RECK: variants seen among roughly 807,000 people sequenced by gnomAD.
The protein encoded by RECK is reversion-inducing cysteine-rich protein with Kazal motifs.
RECK carries 69 observed loss-of-function variants against 115.1 expected under a neutral mutation model. The observed-to-expected ratio is 0.60, with a 90% CI of 0.49 to 0.73. The LOEUF (loss-of-function observed/expected upper bound fraction) is 0.73. RECK is among the 30% of genes least tolerant of loss of function. The pLI, the probability that RECK is intolerant of heterozygous loss-of-function variation, is 0.00. For synonymous variants in RECK, 414 were observed against 419.7 expected, an observed-to-expected ratio of 0.99 and a Z score of 0.17; for missense variants, 1,047 against 1,203.7, an observed-to-expected ratio of 0.87 and a Z score of 1.93.
chr9:36,099,085 G>A (rs1365661592), intron 10 of RECK, among the ~76,000 whole-genome samples: 1 of 152,086 alleles, frequency 6.6e-6, no homozygotes, highest in African/African-American at 2.4e-5. Context: ...AATTAACCAG[G>A]TGTGGTGGTG....
rs967903977 is a variant in RECK at position 36,046,052 on chromosome 9, G to A, written c.101-6213G>A. 7.2e-5 allele frequency among the ~76,000 whole-genome samples: 11 copies of A among 152,054 alleles called. 1 individual carries two copies. The highest frequency in any genetic ancestry group is 7.4e-5 in the Non-Finnish European group (5 of 67,998). Reference sequence around the variant, plus strand: ...TGTCTTTAATGAAGATAACACCTGTGTTTTTTATTTTCATCATAGCAGTGT... The same window carrying A: ...TGTCTTTAATGAAGATAACACCTGTATTTTTTATTTTCATCATAGCAGTGT... On this transcript the variant is annotated intron_variant, in intron 1 of 20. Coordinates refer to ENST00000377966, the MANE Select transcript of RECK (RefSeq NM_021111.3).
At chr9:36,078,401 A>G (rs138994136) in intron 6 of RECK, among the ~76,000 whole-genome samples, 133 of 152,362 alleles carry the variant, frequency 8.7e-4, no homozygotes, top group Middle Eastern at 3.4e-3. Context: ...GAACAAATGT[A>G]TAAGTCTCTA....
chr9:36,089,005 A>G (rs1009717667), intron 9 of RECK, among the ~76,000 whole-genome samples: 1 of 152,226 alleles, frequency 6.6e-6, no homozygotes, highest in Non-Finnish European at 1.5e-5. Flanking sequence ...TGAGTGACAC[A>G]GTGAAGACTC....
intron 1 of RECK, among the ~76,000 whole-genome samples, chr9:36,038,794 AAAAC>A (rs563193137): frequency 3.5e-3 from 536 of 151,936 alleles, no homozygotes; most frequent in African/African-American, 0.013. Flanking sequence ...TTCCTGTGGT[AAAAC>A]AAACAAACAA....
intron 1 of RECK, among the ~76,000 whole-genome samples, chr9:36,038,652 A>G (rs1002965842): frequency 5.3e-5 from 8 of 152,234 alleles, no homozygotes; most frequent in Non-Finnish European, 8.8e-5. Context: ...GAATCGAGGT[A>G]ATACATGTCC....
chr9:36,060,496 T>A (rs1226578362), intron 4 of RECK, among the ~76,000 whole-genome samples: 1 of 152,208 alleles, frequency 6.6e-6, no homozygotes, highest in Non-Finnish European at 1.5e-5. Flanking sequence ...GCCATTCTAC[T>A]GAAACTAGTC....
At chr9:36,116,325 T>C (rs571584418) in intron 16 of RECK, among the ~76,000 whole-genome samples, 1 of 152,074 alleles carries the variant, frequency 6.6e-6, no homozygotes, top group East Asian at 1.9e-4. Context: ...ATGGGGTTTC[T>C]CCATGTTGGT....
intron 3 of RECK, 138 bp from the exon 4 acceptor site, chr9:36,059,981 T>C: frequency 1.4e-6 from 1 of 695,518 alleles, no homozygotes; most frequent in East Asian, 2.6e-5. Flanking sequence ...AGCTGATTGA[T>C]GTGCCTGTAG....
chr9:36,060,904 A>T (rs1040984292), intron 4 of RECK, among the ~76,000 whole-genome samples: 9 of 151,696 alleles, frequency 5.9e-5, no homozygotes, highest in East Asian at 1.9e-4. Flanking sequence ...TCATAACTGC[A>T]CCTCTTGTGA....
At chr9:36,048,856 C>T (rs189114175) in intron 1 of RECK, among the ~76,000 whole-genome samples, 147 of 152,218 alleles carry the variant, frequency 9.7e-4, no homozygotes, top group African/African-American at 3.2e-3. Context: ...GCATCTACCC[C>T]GCAAGTTAAA....
intron 19 of RECK, among the ~76,000 whole-genome samples, chr9:36,121,041 A>T (rs1248027143): frequency 6.6e-6 from 1 of 152,204 alleles, no homozygotes; most frequent in Non-Finnish European, 1.5e-5. Flanking sequence ...AGAGCCAGGT[A>T]GCCAGAGACT....
chr9:36,066,691 T>G (rs915270064), intron 6 of RECK: 1 of 666,954 alleles, frequency 1.5e-6, no homozygotes, highest in Admixed American at 4.2e-5. Flanking sequence ...AGTTTTAGTT[T>G]CTCTTGAACA....
intron 6 of RECK, among the ~76,000 whole-genome samples, chr9:36,066,055 G>T (rs1164232571): frequency 6.6e-6 from 1 of 152,106 alleles, no homozygotes; most frequent in Admixed American, 6.5e-5. Context: ...AGTGTGAATA[G>T]CTCAGACTTT....
chr9:36,067,126 A>T (rs929021673), intron 6 of RECK, among the ~76,000 whole-genome samples: 3 of 152,178 alleles, frequency 2.0e-5, no homozygotes, highest in Admixed American at 1.3e-4. Context: ...TGCATTATAA[A>T]CCTCACATAA....
At chr9:36,093,378 C>G (rs1212156407) in intron 10 of RECK, among the ~76,000 whole-genome samples, 1 of 151,858 alleles carries the variant, frequency 6.6e-6, no homozygotes, top group African/African-American at 2.4e-5. Flanking sequence ...GGTGACCCAA[C>G]TATTGGAATT....
chr9:36,108,022 A>T lies in RECK; in HGVS notation c.1623A>T (p.Thr541=). The T allele has an allele frequency of 1.9e-6, 3 of 1,613,868 alleles. No homozygotes were observed. In the East Asian group the frequency reaches 6.7e-5, roughly 36 times the overall value. ...CTGATTTCATTGTCCGTCAAGGGAC[A>T]CTAATCCAGGTGCCATCATCTGCAG... ...EASDFIVRQG[T]LIQVPSSAGE... The change falls in exon 14 of 21, where the codon ACA becomes ACT. Residue 541 remains threonine, a synonymous_variant. Transcript: ENST00000377966.
At chr9:36,089,447 C>G (rs933042448) in intron 9 of RECK, among the ~76,000 whole-genome samples, 1 of 152,008 alleles carries the variant, frequency 6.6e-6, no homozygotes, top group Non-Finnish European at 1.5e-5. Context: ...ACTTAATAAA[C>G]TAACTATGAG....
intron 12 of RECK, among the ~76,000 whole-genome samples, chr9:36,104,343 T>A (rs1823714115): frequency 1.2e-5 from 1 of 81,554 alleles, no homozygotes; most frequent in Admixed American, 1.3e-4. Context: ...TTTTTTTTTT[T>A]TTTTTTTTTT....
chr9:36,089,967 T>TAC (rs55678229), intron 9 of RECK, among the ~76,000 whole-genome samples: 16,301 of 143,740 alleles, frequency 0.11, 1,144 homozygotes, highest in Admixed American at 0.2. Flanking sequence ...CTACTAAAAA[T>TAC]ACACACACAC....
Sources: gnomAD v4.1 joint callset for allele counts (sites outside exome capture counted in the v4.1 genomes callset) on GRCh38, gnomAD v4.1.1 for gene constraint, MANE v1.5 for transcripts, NCBI Gene and HGNC (gene_info 2026-07-23, HGNC 2026-07-21) for gene names.